DPH6: variants seen among roughly 807,000 people sequenced by gnomAD.
DPH6 encodes diphthine--ammonia ligase.
Under a neutral mutation model 38.2 loss-of-function variants are expected in DPH6, and 33 were observed. The ratio of observed to expected loss-of-function variants is 0.86; its 90% CI spans 0.65 to 1.15. The LOEUF is 1.15. Among genes scored for constraint, DPH6 ranks in the 50% most tolerant of loss-of-function variants. The pLI, the probability that DPH6 is intolerant of heterozygous loss-of-function variation, is 0.00. For missense variants in DPH6, 325 were observed against 320.0 expected (o/e 1.02, Z -0.12); for synonymous variants, 108 against 103.0 (o/e 1.05, Z -0.30).
chr15:35,440,709 G>C (rs1350871487), intron 5 of DPH6, among the ~76,000 whole-genome samples: 10 of 152,198 alleles, frequency 6.6e-5, no homozygotes, highest in Admixed American at 3.9e-4. Context: ...CAACAGACTG[G>C]GGGTCTGCAT....
At chr15:35,478,748 T>C (rs2054292769) in intron 3 of DPH6, among the ~76,000 whole-genome samples, 1 of 151,946 alleles carries the variant, frequency 6.6e-6, no homozygotes, top group South Asian at 2.1e-4. Context: ...TCATTTGCAA[T>C]ATTACCAGTT....
At chr15:35,377,271 A>G (rs145011520) in intron 7 of DPH6, among the ~76,000 whole-genome samples, 14 of 152,228 alleles carry the variant, frequency 9.2e-5, no homozygotes, top group African/African-American at 3.4e-4. Flanking sequence ...TGTTTTAACC[A>G]TAGGATTTGG....
At chr15:35,476,017 A>G (rs2054259637) in intron 3 of DPH6, among the ~76,000 whole-genome samples, 1 of 151,868 alleles carries the variant, frequency 6.6e-6, no homozygotes, top group Non-Finnish European at 1.5e-5. Flanking sequence ...TAGCTCTACA[A>G]ACAGTACAGA....
chr15:35,262,705 C>CAAAAAAAAAAAAAAAAAA (rs58580024), intron 3 of DPH6, among the ~76,000 whole-genome samples: 16 of 82,622 alleles, frequency 1.9e-4, no homozygotes, highest in African/African-American at 1.0e-3. Flanking sequence ...GACTCCGTCT[C>CAAAAAAAAAAAAAAAAAA]AAAAAAAAAA....
intron 3 of DPH6, among the ~76,000 whole-genome samples, chr15:35,312,613 A>C (rs2052152544): frequency 6.6e-6 from 1 of 152,250 alleles, no homozygotes; most frequent in Non-Finnish European, 1.5e-5. Flanking sequence ...GCATTAATAA[A>C]GAAAGGAATA....
rs1397511113 is a variant in DPH6, at chr15:35,371,584, C to G, written c.*566G>C. On this transcript the variant is annotated 3_prime_UTR_variant, in exon 9 of 9. Transcript: ENST00000256538. Reference sequence around the variant, plus strand: ...CAACATAGTTAATACTGAAAAACAGCATTTTAAAAATCAGTTATAAAATAA... The same window carrying G: ...CAACATAGTTAATACTGAAAAACAGGATTTTAAAAATCAGTTATAAAATAA... The G allele has an allele frequency of 1.0e-6, 1 of 980,104 alleles. No homozygotes were observed. The highest frequency in any genetic ancestry group is 1.8e-5 in the African/African-American group (1 of 57,036). 60.7% of individuals were successfully genotyped at this position (980,104 alleles called of 1,614,324 possible). A position where few individuals can be genotyped will look rare whatever the true frequency, so the allele number is the denominator to read the frequency against.
chr15:35,539,219 G>T (rs1191648866), intron 2 of DPH6, among the ~76,000 whole-genome samples: 1 of 151,444 alleles, frequency 6.6e-6, no homozygotes, highest in African/African-American at 2.4e-5. Context: ...TTACTTTTTA[G>T]AAAAAGAATC....
intron 3 of DPH6, among the ~76,000 whole-genome samples, chr15:35,364,190 GT>G (rs2052637205): frequency 6.6e-6 from 1 of 151,604 alleles, no homozygotes; most frequent in South Asian, 2.1e-4. Context: ...TTAGTTTCAT[GT>G]TTTTTCCCAA....
At chr15:35,353,688 T>C (rs2052535222) in intron 3 of DPH6, among the ~76,000 whole-genome samples, 1 of 152,200 alleles carries the variant, frequency 6.6e-6, no homozygotes, top group African/African-American at 2.4e-5. Flanking sequence ...TGTAGCCTTG[T>C]AGTATAGTTT....
intron 3 of DPH6, among the ~76,000 whole-genome samples, chr15:35,505,598 A>AAG (rs2054683710): frequency 6.6e-6 from 1 of 152,008 alleles, no homozygotes; most frequent in Admixed American, 6.6e-5. Flanking sequence ...TCTGATCCTG[A>AAG]AGTTACCGTC....
Position 35,314,901 on chromosome 15 carries a change from C to T in DPH6, n.200+58620G>A, listed in dbSNP as rs141536102. The stretch of plus-strand genomic sequence containing the variant: ...GTGATGATCAGCTCAGTGTCTGAAC[C>T]GAGAAGTAGCTCCAAAGCCACTTCC... On this transcript the variant is annotated intron_variant and non_coding_transcript_variant, in intron 3 of 3. Transcript: ENST00000560386. Among the ~76,000 whole-genome samples, 24 of 152,152 alleles carry T rather than the reference C, an allele frequency of 1.6e-4. No individual in the cohort carries two copies. In the East Asian group the frequency reaches 3.1e-3, roughly 20 times the overall value.
the DPH6 span, among the ~76,000 whole-genome samples, chr15:35,185,067 A>G: frequency 6.6e-6 from 1 of 150,778 alleles, no homozygotes; most frequent in South Asian, 2.1e-4. Flanking sequence ...TTGACAAAAA[A>G]TACAGCTCCA....
intron 3 of DPH6, among the ~76,000 whole-genome samples, chr15:35,308,226 G>A (rs1055929286): frequency 6.6e-5 from 10 of 152,030 alleles, no homozygotes; most frequent in Non-Finnish European, 1.5e-4. Flanking sequence ...CTATGATCCT[G>A]TCACTGCATA....
At chr15:35,305,989 T>C (rs1397459874) in intron 3 of DPH6, among the ~76,000 whole-genome samples, 1 of 152,172 alleles carries the variant, frequency 6.6e-6, no homozygotes, top group Non-Finnish European at 1.5e-5. Context: ...TCATCTTTTG[T>C]TCTTCCTATG....
chr15:35,215,496 G>A (rs572593891), downstream of DPH6, among the ~76,000 whole-genome samples: 6 of 152,110 alleles, frequency 3.9e-5, no homozygotes, highest in South Asian at 2.1e-4. Context: ...TCTTACTCCC[G>A]TCTCAGCCTC....
chr15:35,307,538 T>C (rs773785455), intron 3 of DPH6, among the ~76,000 whole-genome samples: 1 of 152,142 alleles, frequency 6.6e-6, no homozygotes, highest in Non-Finnish European at 1.5e-5. Flanking sequence ...AGGATATCGT[T>C]GGGTTAACTA....
intron 5 of DPH6, among the ~76,000 whole-genome samples, chr15:35,435,886 C>T (rs111624322): frequency 1.4e-3 from 220 of 152,142 alleles, no homozygotes; most frequent in African/African-American, 5.1e-3. Context: ...TCTTCGCTCT[C>T]GGGGTTTGGG....
At chr15:35,256,124 T>A (rs1345229106) in intron 3 of DPH6, among the ~76,000 whole-genome samples, 1 of 152,148 alleles carries the variant, frequency 6.6e-6, no homozygotes, top group Non-Finnish European at 1.5e-5. Flanking sequence ...ATTGTTAACA[T>A]CTTATATTAC....
chr15:35,224,669 C>A (rs933006562), intron 3 of DPH6, among the ~76,000 whole-genome samples: 3 of 152,068 alleles, frequency 2.0e-5, no homozygotes, highest in Non-Finnish European at 4.4e-5. Flanking sequence ...AGTGGCTGTG[C>A]CATTTTGTAT....
Sources: gnomAD v4.1 joint callset for allele counts (sites outside exome capture counted in the v4.1 genomes callset) on GRCh38, gnomAD v4.1.1 for gene constraint, MANE v1.5 for transcripts, NCBI Gene and HGNC (gene_info 2026-07-23, HGNC 2026-07-21) for gene names.